DOCK1: variants seen among roughly 807,000 people sequenced by gnomAD.
DOCK1 encodes dedicator of cytokinesis 1.
In DOCK1, 138 loss-of-function variants were observed where a neutral mutation model predicts 262.7. The ratio of observed to expected loss-of-function variants is 0.53; its 90% CI spans 0.46 to 0.61. DOCK1 has a LOEUF of 0.61. Ranked by LOEUF, DOCK1 falls within the 20% of genes least tolerant of loss-of-function variation. The pLI is 0.00. For missense variants in DOCK1, 1,908 were observed against 2,370.7 expected, an observed-to-expected ratio of 0.80 and a Z score of 4.05; for synonymous variants, 866 against 867.4, an observed-to-expected ratio of 1.00 and a Z score of 0.03.
At chr10:127,295,503 C>T (rs1187831387) in intron 29 of DOCK1, among the ~76,000 whole-genome samples, 1 of 152,046 alleles carries the variant, frequency 6.6e-6, no homozygotes, top group African/African-American at 2.4e-5. Context: ...ACGTCCAAAC[C>T]ATATCGCCCC....
chr10:126,983,530 A>G (rs1255342134), intron 4 of DOCK1, among the ~76,000 whole-genome samples: 1 of 151,962 alleles, frequency 6.6e-6, no homozygotes, highest in Admixed American at 6.6e-5. Flanking sequence ...TCGTTCTCAT[A>G]TGGCCTCTGT....
intron 31 of DOCK1, among the ~76,000 whole-genome samples, chr10:127,353,258 C>G (rs2133861629): frequency 6.6e-6 from 1 of 152,292 alleles, no homozygotes. Context: ...CCAGGTCACC[C>G]TGCAGCCAAC....
At chr10:127,227,658 G>T (rs928070106) in intron 27 of DOCK1, among the ~76,000 whole-genome samples, 1 of 152,212 alleles carries the variant, frequency 6.6e-6, no homozygotes, top group African/African-American at 2.4e-5. Context: ...TTCAAGTTCG[G>T]TTATAAAGGA....
chr10:127,224,282 C>T (rs1326620397), intron 27 of DOCK1, among the ~76,000 whole-genome samples: 8 of 151,992 alleles, frequency 5.3e-5, no homozygotes, highest in East Asian at 1.9e-4. Context: ...AATGTTTGGC[C>T]GGGTGCAGTG....
At chr10:127,235,077 TTGTA>T (rs1379555410) in intron 27 of DOCK1, among the ~76,000 whole-genome samples, 1 of 149,496 alleles carries the variant, frequency 6.7e-6, no homozygotes, top group African/African-American at 2.4e-5. Flanking sequence ...TTTATATACT[TTGTA>T]TGTATAGAAT....
intron 25 of DOCK1, among the ~76,000 whole-genome samples, chr10:127,119,708 G>A (rs1245595391): frequency 1.3e-5 from 2 of 152,186 alleles, no homozygotes; most frequent in African/African-American, 2.4e-5. Context: ...GTTATTAAAT[G>A]CACTTTATGG....
intron 18 of DOCK1, among the ~76,000 whole-genome samples, chr10:127,036,337 G>C (rs1204903922): frequency 6.6e-6 from 1 of 152,080 alleles, no homozygotes; most frequent in African/African-American, 2.4e-5. Flanking sequence ...TCTTCCCTTT[G>C]TCAGCTGTAC....
At chr10:127,439,368 C>A (rs1316200256) in intron 49 of DOCK1, 143 bp downstream of exon 49, 2 of 818,282 alleles carry the variant, frequency 2.4e-6, no homozygotes, top group Non-Finnish European at 3.8e-6. Context: ...TCCTCCTCCC[C>A]TAACCTCAAA....
intron 16 of DOCK1, among the ~76,000 whole-genome samples, chr10:127,028,187 G>T (rs1053222580): frequency 2.6e-5 from 4 of 152,184 alleles, no homozygotes; most frequent in African/African-American, 9.6e-5. Flanking sequence ...TCTAACGGGA[G>T]AAGCAGGGGC....
intron 30 of DOCK1, among the ~76,000 whole-genome samples, chr10:127,340,069 T>C (rs2063366284): frequency 6.6e-6 from 1 of 152,136 alleles, no homozygotes; most frequent in African/African-American, 2.4e-5. Flanking sequence ...CCCTTATTTT[T>C]ATAATTTTTT....
In DOCK1 at chr10:127,391,013, C is replaced by T. The variant is rs556152266; in HGVS notation, c.3927+6104C>T. On this transcript the variant is annotated intron_variant, in intron 38 of 51. Coordinates refer to ENST00000623213, the MANE Select transcript of DOCK1 (RefSeq NM_001290223.2). ...CTGCCGCCCACATGCGGCTGGGAAG[C>T]GGAAGCTGCCCACTGTCCTGTGGGG... Among the ~76,000 whole-genome samples, 205 of 152,268 alleles carry T rather than the reference C, an allele frequency of 1.3e-3. 1 individual carries two copies. Among genetic ancestry groups the T allele is most frequent in the Non-Finnish European group, 2.4e-3 (160 of 68,028 alleles).
intron 29 of DOCK1, among the ~76,000 whole-genome samples, chr10:127,323,472 T>G (rs868227818): frequency 6.6e-6 from 1 of 152,216 alleles, no homozygotes; most frequent in Non-Finnish European, 1.5e-5. Context: ...GTTTCTCTGA[T>G]GTATCTTCTA....
Position 127,012,273 on chromosome 10 carries a change from T to C in DOCK1, c.1100T>C (p.Met367Thr), listed in dbSNP as rs1329068274. The C allele has an allele frequency of 6.2e-7, 1 of 1,613,632 alleles. No individual in the cohort carries two copies. The highest frequency in any genetic ancestry group is 8.5e-7 in the Non-Finnish European group (1 of 1,179,546). ...GCCATTCGACACAAGCCGCTGAACA[T>C]GTCATCCCGTTTTTCACCCAGGGTG... Reference protein sequence around the residue: ...DDAIRHKPLNMSSRFSPRVAG... With the variant: ...DDAIRHKPLNTSSRFSPRVAG... Residue 367 changes from methionine to threonine, a missense_variant, in exon 12 of 52, where the codon ATG (methionine) becomes ACG (threonine). Physicochemically the swap from Met to Thr is moderately conservative, Grantham distance 81. Transcript: ENST00000623213. The surrounding 1 kb of genome is among the most constrained non-coding windows in gnomAD (Gnocchi z 4.0).
intron 35 of DOCK1, among the ~76,000 whole-genome samples, chr10:127,378,450 G>A (rs1416655969): frequency 4.6e-5 from 7 of 152,152 alleles, no homozygotes; most frequent in African/African-American, 1.7e-4. Context: ...AGCCCAGGAG[G>A]AGTGGGAGCA....
chr10:127,038,775 T>A (rs1352155242), intron 19 of DOCK1, among the ~76,000 whole-genome samples: 2 of 152,228 alleles, frequency 1.3e-5, no homozygotes, highest in Non-Finnish European at 2.9e-5. Flanking sequence ...TCTGGAATTC[T>A]TTACTCTGTA....
chr10:126,961,030 A>G (rs1565009335), intron 1 of DOCK1, among the ~76,000 whole-genome samples: 1 of 152,212 alleles, frequency 6.6e-6, no homozygotes, highest in East Asian at 1.9e-4. Context: ...TCACATTCTT[A>G]TCTTCACCAT....
At chr10:126,992,534 A>C (rs1591560827) in intron 6 of DOCK1, among the ~76,000 whole-genome samples, 1 of 152,312 alleles carries the variant, frequency 6.6e-6, no homozygotes, top group East Asian at 1.9e-4. Context: ...TTTGATTTTA[A>C]GGTGGGTGGA....
At chr10:126,955,738 C>T (rs1441181980) in intron 1 of DOCK1, among the ~76,000 whole-genome samples, 9 of 152,144 alleles carry the variant, frequency 5.9e-5, no homozygotes, top group African/African-American at 2.2e-4. Flanking sequence ...ATCTGTATTC[C>T]TGCCGAGTGG....
chr10:127,079,810 A>G (rs2046795859), intron 23 of DOCK1, among the ~76,000 whole-genome samples: 1 of 152,166 alleles, frequency 6.6e-6, no homozygotes, highest in Admixed American at 6.5e-5. Context: ...GCATGCCTGT[A>G]ATCCCAGCTA....
Sources: gnomAD v4.1 joint callset for allele counts (sites outside exome capture counted in the v4.1 genomes callset) on GRCh38, gnomAD v4.1.1 for gene constraint, Gnocchi (gnomAD v3.1) non-coding constraint, MANE v1.5 for transcripts, NCBI Gene and HGNC (gene_info 2026-07-23, HGNC 2026-07-21) for gene names.